Variants in ROR1 observed in about 807,000 individuals in gnomAD.
The protein encoded by ROR1 is ROR family WNT receptor 1, also known as inactive tyrosine-protein kinase transmembrane receptor ROR1.
Under a neutral mutation model 78.8 loss-of-function variants are expected in ROR1, and 19 were observed. The ratio of observed to expected loss-of-function variants is 0.24; its 90% confidence interval spans 0.17 to 0.35. The LOEUF is 0.35. Among genes scored for constraint, ROR1 ranks in the 10% least tolerant of loss-of-function variants. The probability of loss-of-function intolerance (pLI) is 1.00; values close to 1 mark genes in which losing one functional copy is unlikely to be tolerated. For synonymous variants in ROR1, 386 were observed against 433.6 expected, an observed-to-expected ratio of 0.89 and a Z score of 1.36; for missense variants, 917 against 1,177.8, an observed-to-expected ratio of 0.78 and a Z score of 3.24.
chr1:63,955,855 G>A (rs971239349), intron 1 of ROR1, among the ~76,000 whole-genome samples: 8 of 152,144 alleles, frequency 5.3e-5, no homozygotes. Flanking sequence ...GGGCTCTCTC[G>A]GCTAGAAGGC....
At chr1:64,083,860 A>G (rs1240917285) in intron 4 of ROR1, among the ~76,000 whole-genome samples, 1 of 152,208 alleles carries the variant, frequency 6.6e-6, no homozygotes, top group Non-Finnish European at 1.5e-5. Flanking sequence ...GTGTAAAGAG[A>G]GTGGAGATGA....
At chr1:63,948,043 A>G (rs544484456) in intron 1 of ROR1, among the ~76,000 whole-genome samples, 2 of 152,296 alleles carry the variant, frequency 1.3e-5, no homozygotes, top group East Asian at 3.9e-4. Context: ...TCTCCACTTT[A>G]CAGAGAAAAC....
At chr1:63,937,576 G>A (rs1488683113) in intron 1 of ROR1, among the ~76,000 whole-genome samples, 1 of 152,052 alleles carries the variant, frequency 6.6e-6, no homozygotes, top group Non-Finnish European at 1.5e-5. Context: ...AGTGCAAGCT[G>A]CTCTGGATAG....
intron 1 of ROR1, among the ~76,000 whole-genome samples, chr1:63,784,048 A>G (rs1163917296): frequency 6.6e-6 from 1 of 152,010 alleles, no homozygotes; most frequent in East Asian, 1.9e-4. Flanking sequence ...TTTTTTTTCA[A>G]CTCTGTCTGA....
chr1:63,939,719 G>A (rs1483946094), intron 1 of ROR1, among the ~76,000 whole-genome samples: 2 of 152,142 alleles, frequency 1.3e-5, no homozygotes, highest in African/African-American at 4.8e-5. Context: ...CCATGGAGGG[G>A]TGTTACAAAG....
At chr1:63,982,954 G>A (rs1358055055) in intron 1 of ROR1, among the ~76,000 whole-genome samples, 1 of 152,098 alleles carries the variant, frequency 6.6e-6, no homozygotes, top group African/African-American at 2.4e-5. Context: ...AGGCTGTTGT[G>A]ATGATTAAAT....
Position 63,877,413 on chromosome 1 carries a change from C to T in ROR1, c.91+102905C>T, listed in dbSNP as rs559983769. On this transcript the variant is annotated intron_variant, in intron 1 of 8. Coordinates refer to ENST00000371079, the MANE Select transcript of ROR1 (RefSeq NM_005012.4). ...GGGGATCATAACGCACATCACCTGA[C>T]GTTGTAATAATTGCCTGACAATGTG... Among the ~76,000 whole-genome samples, 13 of 152,286 alleles carry T rather than the reference C, an allele frequency of 8.5e-5. No homozygotes were observed. The East Asian group carries it at 1.2e-3, about 14-fold the overall frequency.
chr1:64,072,653 G>A (rs1022812913), intron 4 of ROR1, among the ~76,000 whole-genome samples: 1 of 152,174 alleles, frequency 6.6e-6, no homozygotes, highest in Non-Finnish European at 1.5e-5. Flanking sequence ...CGTCATCCTA[G>A]TAAAAATAAT....
chr1:64,126,737 A>G (rs1480100908), intron 4 of ROR1, among the ~76,000 whole-genome samples: 1 of 152,168 alleles, frequency 6.6e-6, no homozygotes, highest in Non-Finnish European at 1.5e-5. Context: ...CAGTCCCAGC[A>G]TCATGCTTCA....
chr1:63,811,960 GT>G (rs568040372), intron 1 of ROR1, among the ~76,000 whole-genome samples: 1,604 of 123,996 alleles, frequency 0.013, 7 homozygotes, highest in Non-Finnish European at 0.017. Context: ...AACCAGAGGT[GT>G]TTTTTTTTTT....
Position 64,122,677 on chromosome 1 carries a change from A to G in ROR1, c.483-14692A>G, listed in dbSNP as rs1222850611. Among the ~76,000 whole-genome samples the G allele has an allele frequency of 2.0e-5, 3 of 152,226 alleles. No individual in the cohort carries two copies. In the East Asian group the frequency reaches 5.8e-4, roughly 29 times the overall value. On this transcript the variant is annotated intron_variant, in intron 4 of 8. Coordinates refer to ENST00000371079, the MANE Select transcript of ROR1 (RefSeq NM_005012.4). ...ACTGGAGAAGGTGCTTAAAGAGCAC[A>G]TCTGTCTGGTAGAGGACACAGAGCT...
chr1:64,069,157 T>A (rs1468793134), intron 4 of ROR1, among the ~76,000 whole-genome samples: 1 of 152,082 alleles, frequency 6.6e-6, no homozygotes, highest in African/African-American at 2.4e-5. Context: ...TTTTTTTAAC[T>A]GGTGGCGGGG....
intron 1 of ROR1, among the ~76,000 whole-genome samples, chr1:63,816,648 G>A (rs948273854): frequency 1.3e-5 from 2 of 152,084 alleles, no homozygotes; most frequent in Non-Finnish European, 1.5e-5. Flanking sequence ...CTTTAGCCTC[G>A]GTTTCTTTGT....
intron 4 of ROR1, among the ~76,000 whole-genome samples, chr1:64,077,544 C>T (rs1260765): frequency 0.31 from 47,416 of 152,096 alleles, 8,772 homozygotes; most frequent in African/African-American, 0.51. Context: ...GCATCAATGC[C>T]GCTTTTGTTC....
At chr1:63,906,407 T>A (rs1348935564) in intron 1 of ROR1, among the ~76,000 whole-genome samples, 1 of 152,208 alleles carries the variant, frequency 6.6e-6, no homozygotes, top group Non-Finnish European at 1.5e-5. Context: ...GTAAAAGACA[T>A]TTTATGTATG....
intron 2 of ROR1, among the ~76,000 whole-genome samples, chr1:64,032,304 G>A (rs943433194): frequency 7.4e-5 from 10 of 134,954 alleles, no homozygotes; most frequent in Non-Finnish European, 1.1e-4. Flanking sequence ...TTGTGCCACT[G>A]CAGTCCAGCC....
chr1:63,882,358 G>C lies in ROR1; in HGVS notation c.91+107850G>C, dbSNP rs150702905. Among the ~76,000 whole-genome samples the C allele has an allele frequency of 3.8e-3, 576 of 152,238 alleles. 5 individuals carry two copies. The highest frequency in any genetic ancestry group is 0.017 in the Middle Eastern group (5 of 294). On this transcript the variant is annotated intron_variant, in intron 1 of 8. Transcript: ENST00000371079. ...TGAAAAATATTAATCTGAAAAGAAGGCACTGATGGCAGGCACCCTTTAGAG... is the reference window on the plus strand; with the variant it reads ...TGAAAAATATTAATCTGAAAAGAAGCCACTGATGGCAGGCACCCTTTAGAG...
chr1:63,967,180 GTTA>G (rs1248035244), intron 1 of ROR1, among the ~76,000 whole-genome samples: 1 of 152,080 alleles, frequency 6.6e-6, no homozygotes, highest in African/African-American at 2.4e-5. Flanking sequence ...TGTGGTGGTT[GTTA>G]TTATTCCATC....
At chr1:64,115,290 A>T (rs1648276094) in intron 4 of ROR1, among the ~76,000 whole-genome samples, 1 of 152,004 alleles carries the variant, frequency 6.6e-6, no homozygotes, top group East Asian at 1.9e-4. Context: ...ATCATAGCTC[A>T]CTGCAGCCTT....
Sources: allele counts gnomAD v4.1 joint callset (sites outside exome capture counted in the v4.1 genomes callset), GRCh38; gene constraint gnomAD v4.1.1; transcripts MANE v1.5; gene names NCBI Gene and HGNC (gene_info 2026-07-23, HGNC 2026-07-21).